The following XRCC4 variants were observed in gnomAD, a reference collection of about 807,000 sequenced individuals.
XRCC4 encodes X-ray repair cross complementing 4.
In XRCC4, 28 loss-of-function variants were observed where a neutral mutation model predicts 39.1. The observed-to-expected ratio is 0.72, with a 90% CI of 0.53 to 0.98. XRCC4 has a LOEUF of 0.98. XRCC4 is among the 50% of genes least tolerant of loss of function. The pLI is 0.00. For missense variants in XRCC4, 350 were observed against 376.4 expected, an observed-to-expected ratio of 0.93 and a Z score of 0.58; for synonymous variants, 123 against 126.4, an observed-to-expected ratio of 0.97 and a Z score of 0.18.
At chr5:83,111,000 T>G in intron 2 of XRCC4, 28 bp from the exon 3 acceptor site, 1 of 1,588,686 alleles carries the variant, frequency 6.3e-7, no homozygotes. Flanking sequence ...ACTTTTCATT[T>G]TAAAACTTTT....
chr5:83,153,960 T>C (rs1748838167), intron 3 of XRCC4, among the ~76,000 whole-genome samples: 1 of 152,236 alleles, frequency 6.6e-6, no homozygotes, highest in Non-Finnish European at 1.5e-5. Flanking sequence ...TGAAGAAATA[T>C]ATGGTACTTC....
chr5:83,168,936 AAG>A (rs1749605439), intron 3 of XRCC4, among the ~76,000 whole-genome samples: 1 of 152,268 alleles, frequency 6.6e-6, no homozygotes, highest in East Asian at 1.9e-4. Context: ...GTGTATAACA[AAG>A]AGAATCCCCG....
intron 7 of XRCC4, among the ~76,000 whole-genome samples, chr5:83,272,297 T>A (rs1201565552): frequency 2.0e-5 from 3 of 152,174 alleles, no homozygotes; most frequent in African/African-American, 7.2e-5. Flanking sequence ...ATTAAAGTCA[T>A]ACCCCCCCAA....
At chr5:83,210,823 AT>A (rs1282284174) in intron 6 of XRCC4, among the ~76,000 whole-genome samples, 1 of 152,168 alleles carries the variant, frequency 6.6e-6, no homozygotes, top group East Asian at 1.9e-4. Flanking sequence ...GTGTATATTA[AT>A]TTCTTCAGAT....
intron 3 of XRCC4, among the ~76,000 whole-genome samples, chr5:83,187,798 T>C (rs1652745664): frequency 6.6e-6 from 1 of 152,206 alleles, no homozygotes; most frequent in Admixed American, 6.5e-5. Context: ...ATTAGCTATA[T>C]GTGGCTGTTG....
chr5:83,205,128 G>A (rs760547355), intron 6 of XRCC4, among the ~76,000 whole-genome samples: 6 of 152,122 alleles, frequency 3.9e-5, no homozygotes, highest in Non-Finnish European at 5.9e-5. Context: ...AGCAGTGTGA[G>A]CAAGCATTCA....
chr5:83,333,883 C>T (rs937979165), intron 7 of XRCC4, among the ~76,000 whole-genome samples: 1 of 151,940 alleles, frequency 6.6e-6, no homozygotes, highest in South Asian at 2.1e-4. Context: ...GATTCCCCTG[C>T]CTCAGCCTTC....
At chr5:83,327,200 C>T (rs1756291042) in intron 7 of XRCC4, among the ~76,000 whole-genome samples, 1 of 151,922 alleles carries the variant, frequency 6.6e-6, no homozygotes, top group East Asian at 1.9e-4. Flanking sequence ...TGTAGTCAAT[C>T]CTCTTTCCCC....
In XRCC4 at chr5:83,189,985, A is replaced by G. The variant is rs556958172; in HGVS notation, c.316-5785A>G. ...ATGCTGAGGCAGGAGAATCACTTGA[A>G]CCCAGGAGGCGGAGCTTGCAATGAG... On this transcript the variant is annotated intron_variant, in intron 3 of 7. Coordinates refer to ENST00000396027, the MANE Select transcript of XRCC4 (RefSeq NM_003401.5). Among the ~76,000 whole-genome samples the G allele has an allele frequency of 8.5e-5, 13 of 152,242 alleles. No homozygotes were observed. The East Asian group carries it at 2.3e-3, about 27-fold the overall frequency.
At chr5:83,186,941 A>ATTTTTT (rs770811313) in intron 3 of XRCC4, among the ~76,000 whole-genome samples, 1 of 87,492 alleles carries the variant, frequency 1.1e-5, no homozygotes, top group African/African-American at 6.0e-5. Context: ...TGCTTCTTCC[A>ATTTTTT]TTTTTTTTTT....
At chr5:83,195,628 A>T in intron 3 of XRCC4, 142 bp from the exon 4 acceptor site, 2 of 752,924 alleles carry the variant, frequency 2.7e-6, no homozygotes, top group Non-Finnish European at 3.8e-6. Flanking sequence ...TTTTTTGCTC[A>T]CTGTTTGTAT....
intron 3 of XRCC4, among the ~76,000 whole-genome samples, chr5:83,119,434 T>C (rs987682774): frequency 1.3e-5 from 2 of 152,186 alleles, no homozygotes; most frequent in African/African-American, 2.4e-5. Context: ...GACTAAGTAA[T>C]GTAAGTGGTG....
At chr5:83,079,912 G>A (rs1208197911) in intron 1 of XRCC4, among the ~76,000 whole-genome samples, 4 of 152,090 alleles carry the variant, frequency 2.6e-5, no homozygotes, top group African/African-American at 7.2e-5. Context: ...TATTAAAATC[G>A]TATGTAAAAA....
intron 2 of XRCC4, among the ~76,000 whole-genome samples, chr5:83,106,790 G>T (rs1746219394): frequency 6.6e-6 from 1 of 151,912 alleles, no homozygotes; most frequent in Non-Finnish European, 1.5e-5. Flanking sequence ...CAATTATCTA[G>T]ACCGGTACCT....
intron 3 of XRCC4, among the ~76,000 whole-genome samples, chr5:83,182,532 T>A (rs1251002100): frequency 6.6e-6 from 1 of 152,190 alleles, no homozygotes; most frequent in African/African-American, 2.4e-5. Context: ...TCTATACAAA[T>A]CCCTTCACCA....
chr5:83,214,245 T>C (rs1751760852), intron 6 of XRCC4, among the ~76,000 whole-genome samples: 1 of 152,244 alleles, frequency 6.6e-6, no homozygotes, highest in Non-Finnish European at 1.5e-5. Context: ...GTATTCAGAT[T>C]GGAAAAGAAG....
intron 7 of XRCC4, among the ~76,000 whole-genome samples, chr5:83,264,861 A>T (rs1753900312): frequency 6.6e-6 from 1 of 152,200 alleles, no homozygotes. Context: ...AGAGAGTTAT[A>T]CATGGAATTA....
chr5:83,163,936 G>A (rs1195812215), intron 3 of XRCC4, among the ~76,000 whole-genome samples: 1 of 152,128 alleles, frequency 6.6e-6, no homozygotes. Flanking sequence ...TTGGGAGAAA[G>A]ATTTGTTTTT....
intron 3 of XRCC4, among the ~76,000 whole-genome samples, chr5:83,193,159 C>T (rs1580352694): frequency 1.3e-5 from 2 of 152,080 alleles, no homozygotes; most frequent in Non-Finnish European, 2.9e-5. Context: ...AGGCACGTGG[C>T]CCCTTGCATC....
Sources: gnomAD v4.1 joint callset for allele counts (sites outside exome capture counted in the v4.1 genomes callset) on GRCh38, gnomAD v4.1.1 for gene constraint, MANE v1.5 for transcripts, NCBI Gene and HGNC (gene_info 2026-07-23, HGNC 2026-07-21) for gene names.